ZCCHC14: variants seen among roughly 807,000 people sequenced by gnomAD.
ZCCHC14 encodes the protein zinc finger CCHC-type containing 14.
In ZCCHC14, 16 loss-of-function variants were observed where a neutral mutation model predicts 85.0. That is an observed-to-expected ratio of 0.19 (90% CI 0.13 to 0.29). The LOEUF (loss-of-function observed/expected upper bound fraction) is 0.29. ZCCHC14 is among the 10% of genes least tolerant of loss of function. The pLI, the probability that ZCCHC14 is intolerant of heterozygous loss-of-function variation, is 1.00. For synonymous variants in ZCCHC14, 775 were observed against 630.7 expected (o/e 1.23, Z -3.43); for missense variants, 1,303 against 1,443.5 (o/e 0.90, Z 1.58).
At position 87,467,683 on chromosome 16, in the gene ZCCHC14, G is replaced by C. The variant is rs142262127; in HGVS notation, c.571-7552C>G. On this transcript the variant is annotated intron_variant, in intron 1 of 12. Coordinates refer to ENST00000671377, the MANE Select transcript of ZCCHC14 (RefSeq NM_015144.3). Reference sequence around the variant, plus strand: ...TCTTTTTCTTTTGAGATGGAGTCTCGCTCTGTCGCCCAGGCTGGAGTGCAG... The same window carrying C: ...TCTTTTTCTTTTGAGATGGAGTCTCCCTCTGTCGCCCAGGCTGGAGTGCAG... 2.8e-3 allele frequency: 2,206 copies of C among 796,090 alleles called. 50 individuals carry two copies. The African/African-American group carries it at 0.034, about 12-fold the overall frequency. 49.3% of individuals were successfully genotyped at this position (796,090 alleles called of 1,614,324 possible).
intron 1 of ZCCHC14, among the ~76,000 whole-genome samples, chr16:87,466,689 C>T (rs1174325127): frequency 2.0e-5 from 3 of 152,190 alleles, no homozygotes; most frequent in Non-Finnish European, 4.4e-5. Context: ...ACGCTTTCTA[C>T]GACTGTGCAA....
At chr16:87,437,046 G>C (rs569878315) in intron 2 of ZCCHC14, among the ~76,000 whole-genome samples, 13 of 152,228 alleles carry the variant, frequency 8.5e-5, no homozygotes, top group African/African-American at 3.1e-4. Flanking sequence ...CAAATGCCTA[G>C]ATAAATTCAG....
chr16:87,449,476 G>A (rs542166148), intron 2 of ZCCHC14, among the ~76,000 whole-genome samples: 4 of 152,112 alleles, frequency 2.6e-5, no homozygotes, highest in South Asian at 2.1e-4. Flanking sequence ...AATCACACAG[G>A]TGCAGAGGCG....
chr16:87,440,781 A>ATT (rs112200566), intron 2 of ZCCHC14, among the ~76,000 whole-genome samples: 1 of 145,972 alleles, frequency 6.9e-6, no homozygotes, highest in African/African-American at 2.5e-5. Context: ...CGATTTTTGT[A>ATT]TTTTTTTTTT....
chr16:87,467,416 G>C, intron 1 of ZCCHC14: 1 of 1,602,570 alleles, frequency 6.2e-7, no homozygotes, highest in East Asian at 2.2e-5. Flanking sequence ...AGCTCTCCTG[G>C]AGCAAATATG....
intron 3 of ZCCHC14, among the ~76,000 whole-genome samples, chr16:87,428,588 T>C (rs1335159060): frequency 6.6e-6 from 1 of 152,230 alleles, no homozygotes; most frequent in African/African-American, 2.4e-5. Flanking sequence ...TAACTGACGA[T>C]GAACTGCACG....
At chr16:87,470,027 C>A (rs910604917) in intron 1 of ZCCHC14, among the ~76,000 whole-genome samples, 22 of 152,112 alleles carry the variant, frequency 1.4e-4, no homozygotes, top group African/African-American at 5.1e-4. Context: ...ATCGCTTGAG[C>A]CCAGTAGTTC....
intron 1 of ZCCHC14, among the ~76,000 whole-genome samples, chr16:87,477,120 CAAAA>C (rs769416913): frequency 4.9e-5 from 2 of 40,632 alleles, no homozygotes. Context: ...GACTCAGTCT[CAAAA>C]AAAAAAAAAA....
Position 87,408,589 on chromosome 16 carries a change from C to G in ZCCHC14, c.*1691G>C, listed in dbSNP as rs1908304245. The G allele has an allele frequency of 6.6e-6, 1 of 152,520 alleles. No homozygotes were observed. The highest frequency in any genetic ancestry group is 2.4e-5 in the African/African-American group (1 of 41,420). 9.4% of individuals were successfully genotyped at this position (152,520 alleles called of 1,614,324 possible). A position where few individuals can be genotyped will look rare whatever the true frequency, so the allele number is the denominator to read the frequency against. On this transcript the variant is annotated 3_prime_UTR_variant, in exon 13 of 13. Coordinates refer to ENST00000671377, the MANE Select transcript of ZCCHC14 (RefSeq NM_015144.3). The stretch of plus-strand genomic sequence containing the variant: ...TACTTCAACACTGTAATACTGTGTA[C>G]CATGAGGAGAAGAGGTCTGTTAATT...
Position 87,420,633 on chromosome 16 carries a change from G to C in ZCCHC14, c.924C>G (p.Asn308Lys), listed in dbSNP as rs768760953. The C allele has an allele frequency of 2.5e-6, 4 of 1,613,806 alleles. No homozygotes were observed. Among genetic ancestry groups the C allele is most frequent in the Non-Finnish European group, 3.4e-6 (4 of 1,179,846 alleles). The stretch of plus-strand genomic sequence containing the variant: ...TCAGGCCTGAGTCCAGATCCACGTG[G>C]TTTCGCTCCACATAAAATGCGTCCG... The part of the protein sequence containing the change: ...AGPDAFYVER[N>K]HVDLDSGLRY... The change falls in exon 5 of 13, where the codon AAC becomes AAG. Residue 308 changes from asparagine to lysine, a missense_variant. Around this residue, in one of 7 missense-constraint regions of ZCCHC14, gnomAD observed 389 missense variants for 397.8 expected, o/e 0.98. Transcript: ENST00000671377. The surrounding 1 kb of genome is among the most constrained non-coding windows in gnomAD (Gnocchi z 5.0).
chr16:87,456,556 A>G (rs1305406074), intron 2 of ZCCHC14, among the ~76,000 whole-genome samples: 4 of 141,500 alleles, frequency 2.8e-5, no homozygotes, highest in African/African-American at 1.0e-4. Context: ...AAAAAAAAAA[A>G]AAAAAAATTT....
chr16:87,416,717 T>C (rs1388347091), intron 8 of ZCCHC14, among the ~76,000 whole-genome samples: 4 of 152,016 alleles, frequency 2.6e-5, no homozygotes, highest in Non-Finnish European at 4.4e-5. Context: ...GACCATACCA[T>C]TGCACTCCAG....
At chr16:87,485,676 A>T (rs1452953662) in intron 1 of ZCCHC14, among the ~76,000 whole-genome samples, 1 of 152,020 alleles carries the variant, frequency 6.6e-6, no homozygotes, top group Non-Finnish European at 1.5e-5. Flanking sequence ...TAAAGCAGAA[A>T]TTTTTCCTAG....
In ZCCHC14 at chr16:87,477,943, A is replaced by G. The variant is rs538742526; in HGVS notation, c.570+13726T>C. ...CTCACCGCACACACCTGGGGAACAC[A>G]CACGCCTCCACACATCGCTCCCGAG... On this transcript the variant is annotated intron_variant, in intron 1 of 12. Coordinates refer to ENST00000671377, the MANE Select transcript of ZCCHC14 (RefSeq NM_015144.3). Among the ~76,000 whole-genome samples, 23 of 149,952 alleles carry G rather than the reference A, an allele frequency of 1.5e-4. No homozygotes were observed. In the East Asian group the frequency reaches 4.5e-3, roughly 29 times the overall value.
intron 2 of ZCCHC14, among the ~76,000 whole-genome samples, chr16:87,456,286 T>C (rs1438660965): frequency 6.6e-6 from 1 of 152,046 alleles, no homozygotes; most frequent in Non-Finnish European, 1.5e-5. Flanking sequence ...ATCCCAGCAC[T>C]TTGGGAAGCC....
intron 1 of ZCCHC14, among the ~76,000 whole-genome samples, chr16:87,480,642 G>A (rs1912225651): frequency 6.6e-6 from 1 of 152,182 alleles, no homozygotes; most frequent in South Asian, 2.1e-4. Context: ...AACACCTCCT[G>A]CCCCTGGGTT....
At chr16:87,456,533 C>CAAAAAAAAAAAAAA (rs60817141) in intron 2 of ZCCHC14, among the ~76,000 whole-genome samples, 4 of 63,370 alleles carry the variant, frequency 6.3e-5, no homozygotes, top group African/African-American at 1.2e-4. Flanking sequence ...ACTCTGTCTC[C>CAAAAAAAAAAAAAA]AAAAAAAAAA....
chr16:87,418,925 A>G, intron 6 of ZCCHC14, 24 bp from the exon 7 acceptor site: 1 of 1,566,044 alleles, frequency 6.4e-7, no homozygotes, highest in Middle Eastern at 1.7e-4. Flanking sequence ...AATAAATACC[A>G]TAAAAATTTA....
chr16:87,445,643 T>C (rs1056517295), intron 2 of ZCCHC14, among the ~76,000 whole-genome samples: 4 of 152,288 alleles, frequency 2.6e-5, no homozygotes, highest in South Asian at 2.1e-4. Context: ...TATTACCAGA[T>C]AGTCCCTCAA....
Sources: allele counts gnomAD v4.1 joint callset (sites outside exome capture counted in the v4.1 genomes callset), GRCh38; gene constraint gnomAD v4.1.1; regional missense constraint gnomAD v4.1.1; non-coding constraint Gnocchi (gnomAD v3.1); transcripts MANE v1.5; gene names NCBI Gene and HGNC (gene_info 2026-07-23, HGNC 2026-07-21).